NLRC3: variants seen among roughly 807,000 people sequenced by gnomAD.
NLRC3 encodes the protein NLR family CARD domain-containing protein 3.
NLRC3 carries 87 observed loss-of-function variants against 91.6 expected under a neutral mutation model. That is an observed-to-expected ratio of 0.95 (90% CI 0.80 to 1.14). The LOEUF is 1.14. NLRC3 is among the 50% of genes most tolerant of loss of function. The pLI, the probability that NLRC3 is intolerant of heterozygous loss-of-function variation, is 0.00. For synonymous variants in NLRC3, 694 were observed against 625.3 expected (o/e 1.11, Z -1.64); for missense variants, 1,577 against 1,418.6 (o/e 1.11, Z -1.79).
At chr16:3,548,253 A>G in intron 14 of NLRC3, 35 bp from the exon 15 acceptor site, 2 of 1,501,716 alleles carry the variant, frequency 1.3e-6, no homozygotes, top group South Asian at 1.2e-5. Context: ...CTATGTGACT[A>G]TGTGACTATG....
At chr16:3,551,638 ACCAT>A (rs1383348383) in intron 10 of NLRC3, among the ~76,000 whole-genome samples, 1 of 131,134 alleles carries the variant, frequency 7.6e-6, no homozygotes, top group African/African-American at 2.9e-5. Context: ...CATTCATTCA[ACCAT>A]CCATCCATCC....
Position 3,541,618 on chromosome 16 carries a change from C to T in NLRC3, c.*207G>A, listed in dbSNP as rs78880758. On this transcript the variant is annotated 3_prime_UTR_variant, in exon 20 of 20. Transcript: ENST00000359128. ...CTTCTCTGTGCCATAACAGAGTACCCGTCACCCCCTGCCTGGACCACTCCT... is the reference window on the plus strand; with the variant it reads ...CTTCTCTGTGCCATAACAGAGTACCTGTCACCCCCTGCCTGGACCACTCCT... 2.4e-4 allele frequency: 138 copies of T among 585,502 alleles called. 1 individual carries two copies. Among genetic ancestry groups the T allele is most frequent in the African/African-American group, 1.3e-3 (72 of 53,652 alleles). The allele number at this position is 585,502 out of a possible 1,614,324, so 36.3% of individuals were successfully genotyped here.
Position 3,540,994 on chromosome 16 carries a change from C to CT in NLRC3, c.*830_*831insA. On this transcript the variant is annotated 3_prime_UTR_variant, in exon 20 of 20. Coordinates refer to ENST00000359128, the MANE Select transcript of NLRC3 (RefSeq NM_178844.4). ...CCCAGGCTGATGGATCACCTGAGGTCAGGAGTTCGAGACCAGCCTGGCCAA... is the reference window on the plus strand; with the variant it reads ...CCCAGGCTGATGGATCACCTGAGGTCTAGGAGTTCGAGACCAGCCTGGCCAA... 1 of 152,350 alleles carries CT rather than the reference C, an allele frequency of 6.6e-6. No individual in the cohort carries two copies. The highest frequency in any genetic ancestry group is 2.1e-4 in the South Asian group (1 of 4,826). 9.4% of individuals were successfully genotyped at this position (152,350 alleles called of 1,614,324 possible).
intron 6 of NLRC3, among the ~76,000 whole-genome samples, chr16:3,558,446 T>G (rs550655650): frequency 6.6e-6 from 1 of 152,230 alleles, no homozygotes; most frequent in Non-Finnish European, 1.5e-5. Flanking sequence ...CCTTGCAAAA[T>G]TCCTGAAAAT....
At position 3,551,295 on chromosome 16, in the gene NLRC3, CCCATCCAT is replaced by C. The variant is rs1182861465; in HGVS notation, c.2352-806_2352-799del. On this transcript the variant is annotated intron_variant, in intron 10 of 19. Coordinates refer to ENST00000359128, the MANE Select transcript of NLRC3 (RefSeq NM_178844.4). ...ATTCTACCATCCATCTATCCACTCA[CCCATCCAT>C]CCATCCATCCACTCATCCATTTATC... Among the ~76,000 whole-genome samples, 4 of 149,504 alleles carry C rather than the reference CCCATCCAT, an allele frequency of 2.7e-5. No homozygotes were observed. In the East Asian group the frequency reaches 8.2e-4, roughly 31 times the overall value.
rs777927157 is a variant in NLRC3 at position 3,564,601 on chromosome 16, G to A, written c.336C>T (p.Thr112=). The A allele has an allele frequency of 5.6e-6, 9 of 1,610,844 alleles. No individual in the cohort carries two copies. The highest frequency in any genetic ancestry group is 7.6e-6 in the Non-Finnish European group (9 of 1,179,724). The change falls in exon 5 of 20, where the codon ACC becomes ACT. Residue 112 remains threonine, a synonymous_variant. Coordinates refer to ENST00000359128, the MANE Select transcript of NLRC3 (RefSeq NM_178844.4). The surrounding 1 kb of genome is among the most constrained non-coding windows in gnomAD (Gnocchi z 5.9). The part of the protein sequence containing the change: ...REHDFTQVEA[T]RGGGHPARTV... ...TCCTGGCGGGGTGCCCGCCCCCGCG[G>A]GTGGCCTCCACCTGTGTGAAGTCGT... is the stretch of plus-strand genomic sequence containing the variant.
chr16:3,565,281 C>A (rs1306179083), intron 3 of NLRC3, 38 bp downstream of exon 3: 1 of 683,812 alleles, frequency 1.5e-6, no homozygotes, highest in Admixed American at 2.0e-5. Flanking sequence ...TGGATGATAA[C>A]TGGGGCCCTG....
chr16:3,555,172 G>A (rs1233138398), intron 8 of NLRC3, among the ~76,000 whole-genome samples: 1 of 149,920 alleles, frequency 6.7e-6, no homozygotes, highest in African/African-American at 2.5e-5. Context: ...AGAGGTTGCA[G>A]TGAGCTAAGA....
chr16:3,559,300 G>C (rs1474162688), intron 6 of NLRC3, among the ~76,000 whole-genome samples: 2 of 152,200 alleles, frequency 1.3e-5, no homozygotes, highest in African/African-American at 2.4e-5. Context: ...CAACTACAGA[G>C]AGAGGTAAAG....
Position 3,564,479 on chromosome 16 carries a change from G to A in NLRC3, c.458C>T (p.Thr153Ile), listed in dbSNP as rs372813359. ...TIGVAGMGKT[T>I]LVRHFVRLWA... The stretch of plus-strand genomic sequence containing the variant: ...GAGGCGGACGAAGTGCCTCACCAGG[G>A]TGGTCTTGCCCATGCCGGCCACCCC... Residue 153 changes from threonine to isoleucine, a missense_variant, in exon 5 of 20, where the codon ACC (threonine) becomes ATC (isoleucine). Transcript: ENST00000359128. This position sits in a 1 kb window ranked among gnomAD's most constrained non-coding sequence, Gnocchi z 5.9. 4 of 1,612,458 alleles carry A rather than the reference G, an allele frequency of 2.5e-6. No homozygotes were observed. The highest frequency in any genetic ancestry group is 2.2e-5 in the East Asian group (1 of 44,884).
chr16:3,548,036 G>A, intron 15 of NLRC3, 99 bp downstream of exon 15: 1 of 755,792 alleles, frequency 1.3e-6, no homozygotes, highest in Non-Finnish European at 2.3e-6. Context: ...GGAGTGCCAG[G>A]GGTCACTGGA....
At chr16:3,574,172 A>C (rs528307725) in intron 1 of NLRC3, among the ~76,000 whole-genome samples, 1 of 151,646 alleles carries the variant, frequency 6.6e-6, no homozygotes, top group South Asian at 2.1e-4. Flanking sequence ...ATAGGCACCC[A>C]CCATCAATAC....
At position 3,548,725 on chromosome 16, in the gene NLRC3, C is replaced by A. The variant is rs767867560; in HGVS notation, c.2632G>T (p.Gly878Cys). Reference protein sequence around the residue: ...DLTANLLHDQGARAIAVAVRE... With the variant: ...DLTANLLHDQCARAIAVAVRE... ...ACTGCCACTGCGATGGCCCGGGCAC[C>A]CTGGTCGTGGAGGAGGTTGGCTGTC... The change falls in exon 14 of 20, where the codon GGT becomes TGT. Residue 878 changes from glycine (G) to cysteine (C), a missense_variant. Transcript: ENST00000359128. 1 of 1,604,842 alleles carries A rather than the reference C, an allele frequency of 6.2e-7. No homozygotes were observed. Among genetic ancestry groups the A allele is most frequent in the South Asian group, 1.1e-5 (1 of 88,744 alleles).
In NLRC3 at chr16:3,544,163, A is replaced by G. The variant is rs1420576728; in HGVS notation, c.2855+83T>C. 2.2e-3 allele frequency: 283 copies of G among 128,974 alleles called. No individual in the cohort carries two copies. In the East Asian group the frequency reaches 0.036, roughly 16 times the overall value. The allele number at this position is 128,974 out of a possible 1,614,324, so 8.0% of individuals were successfully genotyped here. A position where few individuals can be genotyped will look rare whatever the true frequency, so the allele number is the denominator to read the frequency against. The stretch of plus-strand genomic sequence containing the variant: ...GCAGAGCAAGACTCTTGTCTCGAGG[A>G]AAAAAAAAAAAAAAAAGACCTCTAA... On this transcript the variant is annotated intron_variant, in intron 16 of 19. Coordinates refer to ENST00000359128, the MANE Select transcript of NLRC3 (RefSeq NM_178844.4).
chr16:3,554,578 A>C (rs1432566035), intron 8 of NLRC3, among the ~76,000 whole-genome samples: 3 of 152,212 alleles, frequency 2.0e-5, no homozygotes. Context: ...ACCACAACAA[A>C]GTCATCAATT....
At chr16:3,560,729 G>A (rs1317662720) in intron 6 of NLRC3, among the ~76,000 whole-genome samples, 1 of 151,882 alleles carries the variant, frequency 6.6e-6, no homozygotes, top group Non-Finnish European at 1.5e-5. Context: ...GTGCGATCTC[G>A]GCTCACTGCA....
rs1475127487 is a variant in NLRC3, at chr16:3,564,017, G to T, written c.920C>A (p.Ala307Asp). 4 of 1,609,978 alleles carry T rather than the reference G, an allele frequency of 2.5e-6. No homozygotes were observed. The highest frequency in any genetic ancestry group is 1.7e-4 in the Middle Eastern group (1 of 6,060). The change falls in exon 5 of 20, where the codon GCC (alanine) becomes GAC (aspartate). Residue 307 changes from alanine (A) to aspartate (D), a missense_variant. By Grantham distance (126) the Ala-to-Asp change is moderately radical (BLOSUM62 -2). Transcript: ENST00000359128. The surrounding 1 kb of genome is among the most constrained non-coding windows in gnomAD (Gnocchi z 5.9). ...TTGGCTCAGCATCCAGCCCAGAAGG[G>T]CCTGGTCCTCGGGGAACATCTGCTC... ...CLEQMFPEDQALLGWMLSQVQ... is the reference protein window; with the variant it reads ...CLEQMFPEDQDLLGWMLSQVQ...
rs146384662 is a variant in NLRC3 at position 3,554,475 on chromosome 16, C to A, written c.2184-150G>T. 1,840 of 598,458 alleles carry A rather than the reference C, an allele frequency of 3.1e-3. 11 individuals are homozygous for A. The highest frequency in any genetic ancestry group is 0.014 in the African/African-American group (775 of 54,200). 37.1% of individuals were successfully genotyped at this position (598,458 alleles called of 1,614,324 possible). On this transcript the variant is annotated intron_variant, in intron 8 of 19. Coordinates refer to ENST00000359128, the MANE Select transcript of NLRC3 (RefSeq NM_178844.4). ...CCCACCATGCAGGGAGAGCAGTGGACCCTTTGCACCACTGCCTGGGGCTTA... is the reference window on the plus strand; with the variant it reads ...CCCACCATGCAGGGAGAGCAGTGGAACCTTTGCACCACTGCCTGGGGCTTA...
At chr16:3,567,665 G>A (rs997000471) in intron 1 of NLRC3, among the ~76,000 whole-genome samples, 7 of 149,084 alleles carry the variant, frequency 4.7e-5, no homozygotes, top group South Asian at 2.1e-4. Flanking sequence ...CCAGGTACTC[G>A]AGAGGCTGAG....
Sources: allele counts gnomAD v4.1 joint callset (sites outside exome capture counted in the v4.1 genomes callset), GRCh38; gene constraint gnomAD v4.1.1; non-coding constraint Gnocchi (gnomAD v3.1); transcripts MANE v1.5; gene names NCBI Gene and HGNC (gene_info 2026-07-23, HGNC 2026-07-21).